Variants in ROBO2 observed in about 807,000 individuals in gnomAD.
ROBO2 encodes roundabout homolog 2.
Under a neutral mutation model 160.8 loss-of-function variants are expected in ROBO2, and 53 were observed. The observed-to-expected ratio is 0.33, with a 90% CI of 0.26 to 0.41. The LOEUF (loss-of-function observed/expected upper bound fraction) is 0.41, where lower values mean the gene tolerates loss of function less well. ROBO2 is among the 10% of genes least tolerant of loss of function. The pLI, the probability that ROBO2 is intolerant of heterozygous loss-of-function variation, is 1.00. For synonymous variants in ROBO2, 664 were observed against 611.7 expected, an observed-to-expected ratio of 1.09 and a Z score of -1.26; for missense variants, 1,577 against 1,722.4, an observed-to-expected ratio of 0.92 and a Z score of 1.49.
intron 2 of ROBO2, among the ~76,000 whole-genome samples, chr3:76,984,106 A>T (rs2060243901): frequency 6.6e-6 from 1 of 151,722 alleles, no homozygotes; most frequent in African/African-American, 2.4e-5. Context: ...CATGGGGGAA[A>T]CCGCCCCCCG....
At chr3:76,555,352 G>GAAGAAGAAGAAGAAGAAGAAGAA (rs1560140349) in intron 2 of ROBO2, among the ~76,000 whole-genome samples, 1 of 35,840 alleles carries the variant, frequency 2.8e-5, no homozygotes, top group African/African-American at 7.2e-5. Flanking sequence ...AGGAAGAGTA[G>GAAGAAGAAGAAGAAGAAGAAGAA]GAAGAGAGAA....
intron 2 of ROBO2, chr3:76,434,229 A>G: frequency 9.6e-7 from 1 of 1,036,548 alleles, no homozygotes; most frequent in South Asian, 1.3e-5. Flanking sequence ...GATGGTCCAC[A>G]CAGGTTTGAC....
chr3:76,600,548 A>G (rs1183920018), intron 2 of ROBO2, among the ~76,000 whole-genome samples: 1 of 152,168 alleles, frequency 6.6e-6, no homozygotes, highest in Non-Finnish European at 1.5e-5. Flanking sequence ...GGCAAGAGAG[A>G]GAATAAGAAC....
chr3:76,721,725 C>A (rs968480696), intron 2 of ROBO2, among the ~76,000 whole-genome samples: 3 of 152,228 alleles, frequency 2.0e-5, no homozygotes, highest in Non-Finnish European at 2.9e-5. Context: ...TTCTACCACA[C>A]TATTCTTTTT....
intron 2 of ROBO2, among the ~76,000 whole-genome samples, chr3:76,238,609 C>G (rs558285247): frequency 2.0e-5 from 3 of 149,054 alleles, no homozygotes; most frequent in African/African-American, 5.0e-5. Context: ...CCTCCATGAT[C>G]TAATCACCTC....
At chr3:77,538,713 A>G (rs2092303031) in intron 6 of ROBO2, among the ~76,000 whole-genome samples, 1 of 152,170 alleles carries the variant, frequency 6.6e-6, no homozygotes, top group African/African-American at 2.4e-5. Context: ...GAAGCATTAC[A>G]TAGTAAAAAT....
At chr3:77,113,598 A>G (rs1049792438) in intron 2 of ROBO2, among the ~76,000 whole-genome samples, 1 of 152,220 alleles carries the variant, frequency 6.6e-6, no homozygotes, top group African/African-American at 2.4e-5. Context: ...CTCTCTTTGT[A>G]TCAGATGACA....
chr3:77,477,681 A>C (rs868476344), intron 3 of ROBO2, 110 bp downstream of exon 3: 2 of 1,149,502 alleles, frequency 1.7e-6, no homozygotes. Flanking sequence ...TTTGAATGTT[A>C]ATTACAATTT....
At chr3:75,984,357 TA>T (rs958701533) in intron 2 of ROBO2, among the ~76,000 whole-genome samples, 1 of 151,488 alleles carries the variant, frequency 6.6e-6, no homozygotes, top group African/African-American at 2.4e-5. Flanking sequence ...TTTTTAACTG[TA>T]AAAAACACAG....
At chr3:76,434,421 G>A in intron 2 of ROBO2, 1 of 1,568,892 alleles carries the variant, frequency 6.4e-7, no homozygotes, top group Non-Finnish European at 8.8e-7. Context: ...CAGGCCCTGG[G>A]CTGGGTGGCT....
intron 1 of ROBO2, among the ~76,000 whole-genome samples, chr3:77,093,440 C>T (rs2070603903): frequency 6.6e-6 from 1 of 152,006 alleles, no homozygotes; most frequent in South Asian, 2.1e-4. Context: ...TTGTTTTAGC[C>T]AATAACATAG....
intron 2 of ROBO2, among the ~76,000 whole-genome samples, chr3:76,834,061 CTTTT>C (rs1559574732): frequency 1.7e-4 from 6 of 34,828 alleles, no homozygotes. Context: ...TCCTTTCTTT[CTTTT>C]CTTTCTTTCT....
At chr3:76,852,662 C>T (rs1196407950) in intron 2 of ROBO2, among the ~76,000 whole-genome samples, 1 of 152,052 alleles carries the variant, frequency 6.6e-6, no homozygotes, top group South Asian at 2.1e-4. Flanking sequence ...ATGGAAACTT[C>T]CAAATATAAT....
At chr3:76,177,075 A>G (rs1007216691) in intron 2 of ROBO2, among the ~76,000 whole-genome samples, 1 of 152,198 alleles carries the variant, frequency 6.6e-6, no homozygotes, top group Non-Finnish European at 1.5e-5. Context: ...GAATGCAATT[A>G]TAGCTACAAA....
chr3:77,394,629 A>T (rs1484939602), intron 2 of ROBO2, among the ~76,000 whole-genome samples: 3 of 152,100 alleles, frequency 2.0e-5, no homozygotes, highest in Non-Finnish European at 4.4e-5. Flanking sequence ...TTTCACCTTT[A>T]TTTTGTCAGT....
chr3:77,207,706 G>A (rs937756694), intron 2 of ROBO2, among the ~76,000 whole-genome samples: 1 of 152,184 alleles, frequency 6.6e-6, no homozygotes, highest in African/African-American at 2.4e-5. Flanking sequence ...TAACGTTCCA[G>A]TGATCATAAA....
chr3:77,234,828 T>A (rs776447931), intron 2 of ROBO2, among the ~76,000 whole-genome samples: 33 of 152,168 alleles, frequency 2.2e-4, no homozygotes, highest in Non-Finnish European at 4.1e-4. Context: ...ATCTTCTTAA[T>A]GTTAGGGCTT....
At chr3:77,255,078 T>C (rs2090780907) in intron 2 of ROBO2, among the ~76,000 whole-genome samples, 1 of 152,226 alleles carries the variant, frequency 6.6e-6, no homozygotes, top group East Asian at 1.9e-4. Context: ...TATAGGAAAG[T>C]AAATTTTAGA....
At chr3:77,627,723 GC>G (rs2095060739) in intron 23 of ROBO2, among the ~76,000 whole-genome samples, 1 of 152,164 alleles carries the variant, frequency 6.6e-6, no homozygotes, top group Middle Eastern at 3.2e-3. Flanking sequence ...TGTAGCTGCA[GC>G]TTTTACTTAA....
Sources: allele counts gnomAD v4.1 joint callset (sites outside exome capture counted in the v4.1 genomes callset), GRCh38; gene constraint gnomAD v4.1.1; transcripts MANE v1.5; gene names NCBI Gene and HGNC (gene_info 2026-07-23, HGNC 2026-07-21).